Variants in PPARA observed in about 807,000 individuals in gnomAD.
The protein encoded by PPARA is peroxisome proliferator activated receptor alpha.
In PPARA, 22 loss-of-function variants were observed where a neutral mutation model predicts 42.2. The observed-to-expected ratio is 0.52, with a 90% CI of 0.37 to 0.74. The LOEUF (loss-of-function observed/expected upper bound fraction) is 0.74, where lower values mean the gene tolerates loss of function less well. PPARA is among the 30% of genes least tolerant of loss of function. The probability of loss-of-function intolerance (pLI) is 0.00; values close to 1 mark genes in which losing one functional copy is unlikely to be tolerated. For missense variants in PPARA, 465 were observed against 608.2 expected (o/e 0.76, Z 2.48); for synonymous variants, 242 against 239.3 (o/e 1.01, Z -0.10).
At chr22:46,198,979 G>A (rs1932697675) in intron 4 of PPARA, among the ~76,000 whole-genome samples, 1 of 152,090 alleles carries the variant, frequency 6.6e-6, no homozygotes. Context: ...CTCTTTAGCT[G>A]GAAAAGAAGT....
At chr22:46,210,384 T>A (rs1933811051) in intron 4 of PPARA, among the ~76,000 whole-genome samples, 1 of 151,832 alleles carries the variant, frequency 6.6e-6, no homozygotes, top group Non-Finnish European at 1.5e-5. Context: ...TTCTATTCAG[T>A]TATTTTTCTC....
Position 46,182,721 on chromosome 22 carries a change from C to T in PPARA, c.-43+5885C>T, listed in dbSNP as rs2147269956. Among the ~76,000 whole-genome samples the T allele has an allele frequency of 6.6e-6, 1 of 152,174 alleles. No homozygotes were observed. Among genetic ancestry groups the T allele is most frequent in the South Asian group, 2.1e-4 (1 of 4,820 alleles). The stretch of plus-strand genomic sequence containing the variant: ...GATTATTGTATGCCAGTTACATGTC[C>T]ATAAAGCTTTCTTTTGTTGTTTTGT... On this transcript the variant is annotated intron_variant, in intron 3 of 8. Transcript: ENST00000407236. This position sits in a 1 kb window ranked among gnomAD's most constrained non-coding sequence, Gnocchi z 5.2.
Position 46,235,095 on chromosome 22 carries a change from T to C in PPARA, c.1160-38T>C. On this transcript the variant is annotated intron_variant, in intron 8 of 8. Coordinates refer to ENST00000407236, the MANE Select transcript of PPARA (RefSeq NM_005036.6). The surrounding 1 kb of genome is among the most constrained non-coding windows in gnomAD (Gnocchi z 7.0). ...AACTGATAAGCAGTTCTTGGGTGATTATCACACTCAAACCTCTCTCTCTTC... is the reference window on the plus strand; with the variant it reads ...AACTGATAAGCAGTTCTTGGGTGATCATCACACTCAAACCTCTCTCTCTTC... 1 of 1,613,694 alleles carries C rather than the reference T, an allele frequency of 6.2e-7. No homozygotes were observed. The highest frequency in any genetic ancestry group is 8.5e-7 in the Non-Finnish European group (1 of 1,179,648).
rs554282106 is a variant in PPARA at position 46,221,469 on chromosome 22, T to C, written c.711+1455T>C. Among the ~76,000 whole-genome samples the C allele has an allele frequency of 6.6e-6, 1 of 152,326 alleles. No homozygotes were observed. The highest frequency in any genetic ancestry group is 1.9e-4 in the East Asian group (1 of 5,186). On this transcript the variant is annotated intron_variant, in intron 7 of 8. Transcript: ENST00000407236. This position sits in a 1 kb window ranked among gnomAD's most constrained non-coding sequence, Gnocchi z 5.9. The stretch of plus-strand genomic sequence containing the variant: ...AACATGCCTACATTCTTTTTCCGCC[T>C]TCAGTGAAAAGACAGTGACATCTTG...
rs1307840186 is a variant in PPARA at position 46,238,516 on chromosome 22, C to T, written c.*3136C>T. 1.3e-5 allele frequency: 2 copies of T among 152,240 alleles called. No homozygotes were observed. Among genetic ancestry groups the T allele is most frequent in the African/African-American group, 2.4e-5 (1 of 41,468 alleles). The allele number at this position is 152,240 out of a possible 1,614,324, so 9.4% of individuals were successfully genotyped here. A position where few individuals can be genotyped will look rare whatever the true frequency, so the allele number is the denominator to read the frequency against. ...CGAATGTAGGAAGTCGCCAAATTTA[C>T]CCACTCTTCAACAAGTCATTGTTTA... On this transcript the variant is annotated 3_prime_UTR_variant, in exon 9 of 9. Coordinates refer to ENST00000407236, the MANE Select transcript of PPARA (RefSeq NM_005036.6). This position sits in a 1 kb window ranked among gnomAD's most constrained non-coding sequence, Gnocchi z 8.3.
chr22:46,152,875 A>C (rs1924657301), intron 2 of PPARA, among the ~76,000 whole-genome samples: 3 of 152,180 alleles, frequency 2.0e-5, no homozygotes, highest in Admixed American at 2.0e-4. Context: ...GCTTGAGGCC[A>C]GGAGTTCGAG....
At position 46,167,480 on chromosome 22, in the gene PPARA, C is replaced by T. The variant is rs1927251405; in HGVS notation, c.-126-9273C>T. ...CATCCTGGGCAACATAGCGAAACAC[C>T]GTCTCTACAAAAAAATGAAAAAATT... On this transcript the variant is annotated intron_variant, in intron 2 of 8. Transcript: ENST00000407236. This position sits in a 1 kb window ranked among gnomAD's most constrained non-coding sequence, Gnocchi z 4.1. 1.3e-5 allele frequency among the ~76,000 whole-genome samples: 2 copies of T among 151,536 alleles called. No homozygotes were observed. Among genetic ancestry groups the T allele is most frequent in the Admixed American group, 6.6e-5 (1 of 15,188 alleles).
intron 1 of PPARA, among the ~76,000 whole-genome samples, chr22:46,151,567 G>T (rs192948285): frequency 1.9e-4 from 29 of 152,394 alleles, no homozygotes; most frequent in Non-Finnish European, 3.2e-4. Context: ...TGCTCCAAGT[G>T]TCAGGATTCT....
intron 3 of PPARA, among the ~76,000 whole-genome samples, chr22:46,189,860 C>T (rs1931306077): frequency 6.6e-6 from 1 of 152,096 alleles, no homozygotes; most frequent in Non-Finnish European, 1.5e-5. Context: ...GCACGTGCCA[C>T]CACGCCCAGC....
intron 3 of PPARA, among the ~76,000 whole-genome samples, chr22:46,186,367 A>G (rs900518630): frequency 6.6e-6 from 1 of 152,074 alleles, no homozygotes; most frequent in Non-Finnish European, 1.5e-5. Context: ...TATTTGTGCA[A>G]CACACTTGAA....
rs1041137621 is a variant in PPARA at position 46,173,213 on chromosome 22, T to C, written c.-126-3540T>C. On this transcript the variant is annotated intron_variant, in intron 2 of 8. Transcript: ENST00000407236. The surrounding 1 kb of genome is among the most constrained non-coding windows in gnomAD (Gnocchi z 4.3). ...TGTTGTGGCTGTTCTTTTCACTCTCTTATTTGGGGATTTACAAAACAGTTA... is the reference window on the plus strand; with the variant it reads ...TGTTGTGGCTGTTCTTTTCACTCTCCTATTTGGGGATTTACAAAACAGTTA... Among the ~76,000 whole-genome samples the C allele has an allele frequency of 1.3e-5, 2 of 152,230 alleles. No homozygotes were observed. Among genetic ancestry groups the C allele is most frequent in the African/African-American group, 4.8e-5 (2 of 41,460 alleles).
At chr22:46,179,179 T>C (rs1929590642) in intron 3 of PPARA, among the ~76,000 whole-genome samples, 1 of 152,210 alleles carries the variant, frequency 6.6e-6, no homozygotes, top group African/African-American at 2.4e-5. Context: ...CTTCAAATGC[T>C]ATCAACATAT....
rs1162861606 is a variant in PPARA at position 46,185,895 on chromosome 22, CAAAAAAA to C, written c.-43+9075_-43+9081del. ...GGGTGACAAAGTGAGACTCCGTCTC[CAAAAAAA>C]AAAAAAAAAAAAAAATATATATATA... On this transcript the variant is annotated intron_variant, in intron 3 of 8. Coordinates refer to ENST00000407236, the MANE Select transcript of PPARA (RefSeq NM_005036.6). 2.4e-3 allele frequency among the ~76,000 whole-genome samples: 47 copies of C among 19,672 alleles called. 1 individual carries two copies. Among genetic ancestry groups the C allele is most frequent in the South Asian group, 0.015 (5 of 332 alleles). The allele number at this position is 19,672 out of a possible 152,430, so 12.9% of individuals were successfully genotyped here. A position where few individuals can be genotyped will look rare whatever the true frequency, so the allele number is the denominator to read the frequency against.
chr22:46,198,237 C>CA (rs398037349), intron 3 of PPARA, 105 bp from the exon 4 acceptor site: 23,689 of 189,598 alleles, frequency 0.12, 522 homozygotes, highest in Non-Finnish European at 0.14. Context: ...GACTCTGTCT[C>CA]AAAAAAAAAA....
At position 46,237,821 on chromosome 22, in the gene PPARA, G is replaced by A. The variant is rs543173887; in HGVS notation, c.*2441G>A. Reference sequence around the variant, plus strand: ...CCGTTTCAGTATTATTTCCTAAAATGAGAAGCCCCTGTGTCAACAAGATCC... The same window carrying A: ...CCGTTTCAGTATTATTTCCTAAAATAAGAAGCCCCTGTGTCAACAAGATCC... On this transcript the variant is annotated 3_prime_UTR_variant, in exon 9 of 9. Coordinates refer to ENST00000407236, the MANE Select transcript of PPARA (RefSeq NM_005036.6). This position sits in a 1 kb window ranked among gnomAD's most constrained non-coding sequence, Gnocchi z 6.7. The A allele has an allele frequency of 3.9e-4, 60 of 152,360 alleles. No homozygotes were observed. The highest frequency in any genetic ancestry group is 1.4e-3 in the African/African-American group (58 of 41,558). The allele number at this position is 152,360 out of a possible 1,614,324, so 9.4% of individuals were successfully genotyped here.
intron 3 of PPARA, among the ~76,000 whole-genome samples, chr22:46,185,916 AATAT>A (rs59733161): frequency 7.1e-3 from 179 of 25,258 alleles, no homozygotes; most frequent in African/African-American, 0.023. Flanking sequence ...AAAAAAAAAA[AATAT>A]ATATATATAT....
rs1936339358 is a variant in PPARA, at chr22:46,240,349, C to T, written c.*4969C>T. 2.5e-6 allele frequency: 1 copy of T among 397,572 alleles called. No homozygotes were observed. The highest frequency in any genetic ancestry group is 4.4e-6 in the Non-Finnish European group (1 of 225,570). 24.6% of individuals were successfully genotyped at this position (397,572 alleles called of 1,614,324 possible). Reference sequence around the variant, plus strand: ...GCCGCTGGTCCCCAGGCACGGTGCACTTTCTCCACCTCCTGCAGCCTCCCT... The same window carrying T: ...GCCGCTGGTCCCCAGGCACGGTGCATTTTCTCCACCTCCTGCAGCCTCCCT... On this transcript the variant is annotated 3_prime_UTR_variant, in exon 9 of 9. Transcript: ENST00000407236. The surrounding 1 kb of genome is among the most constrained non-coding windows in gnomAD (Gnocchi z 6.0).
chr22:46,234,175 G>A lies in PPARA; in HGVS notation c.1160-958G>A, dbSNP rs1462932965. On this transcript the variant is annotated intron_variant, in intron 8 of 8. Coordinates refer to ENST00000407236, the MANE Select transcript of PPARA (RefSeq NM_005036.6). The surrounding 1 kb of genome is among the most constrained non-coding windows in gnomAD (Gnocchi z 5.8). ...AGTTATAGCCCCAGCCACTCTGGAG[G>A]CCGAGGCAGGAGGATTGCTTGAGCC... Among the ~76,000 whole-genome samples the A allele has an allele frequency of 6.6e-6, 1 of 152,094 alleles. No homozygotes were observed. Among genetic ancestry groups the A allele is most frequent in the Admixed American group, 6.5e-5 (1 of 15,268 alleles).
At chr22:46,197,691 C>T (rs1932443305) in intron 3 of PPARA, among the ~76,000 whole-genome samples, 2 of 150,634 alleles carry the variant, frequency 1.3e-5, no homozygotes, top group Non-Finnish European at 3.0e-5. Flanking sequence ...CACCTGAAGT[C>T]AGGAGTTTGA....
Sources: allele counts gnomAD v4.1 joint callset (sites outside exome capture counted in the v4.1 genomes callset), GRCh38; gene constraint gnomAD v4.1.1; non-coding constraint Gnocchi (gnomAD v3.1); transcripts MANE v1.5; gene names NCBI Gene and HGNC (gene_info 2026-07-23, HGNC 2026-07-21).